NDUFS4: variants seen among roughly 807,000 people sequenced by gnomAD.
NDUFS4 encodes NADH dehydrogenase [ubiquinone] iron-sulfur protein 4, mitochondrial.
A neutral mutation model predicts 24.3 loss-of-function variants in NDUFS4; 28 were observed. The observed-to-expected ratio is 1.15, with a 90% confidence interval of 0.85 to 1.58. The LOEUF (loss-of-function observed/expected upper bound fraction) is 1.58. Ranked by LOEUF, NDUFS4 falls within the 40% of genes most tolerant of loss-of-function variation. The probability of loss-of-function intolerance (pLI) is 0.00; values close to 1 mark genes in which losing one functional copy is unlikely to be tolerated. For missense variants in NDUFS4, 223 were observed against 207.9 expected (o/e 1.07, Z -0.45); for synonymous variants, 93 against 69.7 (o/e 1.34, Z -1.67).
intron 3 of NDUFS4, among the ~76,000 whole-genome samples, chr5:53,656,928 GA>G (rs763547522): frequency 6.6e-5 from 10 of 152,126 alleles, no homozygotes; most frequent in Non-Finnish European, 1.5e-4. Flanking sequence ...GAAGGAGAAT[GA>G]GAAGGGTAGA....
At chr5:53,616,609 G>C (rs1750847598) in intron 2 of NDUFS4, among the ~76,000 whole-genome samples, 1 of 152,092 alleles carries the variant, frequency 6.6e-6, no homozygotes, top group Middle Eastern at 3.2e-3. Context: ...GGAAAGATAT[G>C]ACATAATAAG....
At chr5:53,588,933 A>G (rs568057849) in intron 1 of NDUFS4, among the ~76,000 whole-genome samples, 3 of 152,092 alleles carry the variant, frequency 2.0e-5, no homozygotes, top group Non-Finnish European at 4.4e-5. Flanking sequence ...ACCGAAGCAA[A>G]AAGTGACAAG....
chr5:53,611,391 C>T lies in NDUFS4; in HGVS notation c.177+7861C>T, dbSNP rs1228560512. Among the ~76,000 whole-genome samples, 6 of 151,922 alleles carry T rather than the reference C, an allele frequency of 3.9e-5. No individual in the cohort carries two copies. The South Asian group carries it at 1.2e-3, about 32-fold the overall frequency. ...AAATCTTCAGATAATAAAATTGTGGCAAATCCTGGATTATTGTTAATAAAG... is the reference window on the plus strand; with the variant it reads ...AAATCTTCAGATAATAAAATTGTGGTAAATCCTGGATTATTGTTAATAAAG... On this transcript the variant is annotated intron_variant, in intron 2 of 4. Coordinates refer to ENST00000296684, the MANE Select transcript of NDUFS4 (RefSeq NM_002495.4).
At chr5:53,592,015 T>C in intron 1 of NDUFS4, among the ~76,000 whole-genome samples, 1 of 152,094 alleles carries the variant, frequency 6.6e-6, no homozygotes, top group African/African-American at 2.4e-5. Context: ...CTTGGCTCAC[T>C]GTAACCTCTG....
intron 1 of NDUFS4, among the ~76,000 whole-genome samples, chr5:53,567,003 C>G (rs567497128): frequency 6.6e-6 from 1 of 152,084 alleles, no homozygotes; most frequent in South Asian, 2.1e-4. Context: ...CGCGCACCAC[C>G]ACGCCTGGAT....
rs983021467 is a variant in NDUFS4, at chr5:53,657,711, G to T, written c.351-840G>T. Among the ~76,000 whole-genome samples the T allele has an allele frequency of 2.6e-5, 4 of 151,992 alleles. No homozygotes were observed. In the South Asian group the frequency reaches 8.3e-4, roughly 32 times the overall value. On this transcript the variant is annotated intron_variant, in intron 3 of 4. Transcript: ENST00000296684. ...AGGCTGAGGCAGGTAGATCACTTGA[G>T]GTCAGGAGTTCGAGACCAGCCTGGC...
chr5:53,599,908 CAACA>C (rs1750257431), intron 1 of NDUFS4, among the ~76,000 whole-genome samples: 1 of 151,994 alleles, frequency 6.6e-6, no homozygotes, highest in Non-Finnish European at 1.5e-5. Flanking sequence ...ACAGGCTAAT[CAACA>C]AACAGATATT....
At chr5:53,664,276 T>A (rs1288832251) in intron 4 of NDUFS4, among the ~76,000 whole-genome samples, 1 of 152,202 alleles carries the variant, frequency 6.6e-6, no homozygotes, top group Non-Finnish European at 1.5e-5. Context: ...TTTTCCTTCA[T>A]TTCAACTTTG....
chr5:53,662,043 A>G (rs934842899), intron 4 of NDUFS4, among the ~76,000 whole-genome samples: 1 of 152,056 alleles, frequency 6.6e-6, no homozygotes, highest in African/African-American at 2.4e-5. Flanking sequence ...GTTGAATAGG[A>G]GTGGTGAGAG....
At chr5:53,612,934 T>C (rs989053111) in intron 2 of NDUFS4, among the ~76,000 whole-genome samples, 3 of 152,128 alleles carry the variant, frequency 2.0e-5, no homozygotes, top group Non-Finnish European at 2.9e-5. Flanking sequence ...TACAAGTATT[T>C]GTTGGTTTTA....
intron 2 of NDUFS4, among the ~76,000 whole-genome samples, chr5:53,613,862 G>A (rs1208166870): frequency 6.6e-6 from 1 of 151,846 alleles, no homozygotes; most frequent in Non-Finnish European, 1.5e-5. Flanking sequence ...CTCAAGTAAT[G>A]GAAAATGTTA....
At chr5:53,615,579 A>C (rs540852719) in intron 2 of NDUFS4, among the ~76,000 whole-genome samples, 5 of 152,178 alleles carry the variant, frequency 3.3e-5, no homozygotes, top group African/African-American at 1.2e-4. Flanking sequence ...GGGCAGTGAT[A>C]TGGAAGCTTT....
chr5:53,676,025 ACATTGACTCTAG>A (rs1439624635), intron 4 of NDUFS4, among the ~76,000 whole-genome samples: 2 of 152,374 alleles, frequency 1.3e-5, no homozygotes, highest in East Asian at 3.9e-4. Context: ...AGAAAAAGAT[ACATTGACTCTAG>A]CATAGATATA....
intron 3 of NDUFS4, 43 bp from the exon 4 acceptor site, chr5:53,658,507 TA>T: frequency 7.4e-7 from 1 of 1,352,824 alleles, no homozygotes; most frequent in Non-Finnish European, 1.1e-6. Flanking sequence ...GTTTCTCAGC[TA>T]AAGCTTAATG....
chr5:53,683,228 A>T lies in NDUFS4; in HGVS notation c.*7A>T. Reference sequence around the variant, plus strand: ...AAGAGTATCCACAAAATAGGTTGGCACTGACTATATCTCTGCTTGACTGTG... The same window carrying T: ...AAGAGTATCCACAAAATAGGTTGGCTCTGACTATATCTCTGCTTGACTGTG... On this transcript the variant is annotated 3_prime_UTR_variant, in exon 5 of 5. Transcript: ENST00000296684. 6.4e-7 allele frequency: 1 copy of T among 1,564,280 alleles called. No homozygotes were observed. Among genetic ancestry groups the T allele is most frequent in the Admixed American group, 1.7e-5 (1 of 59,758 alleles).
intron 4 of NDUFS4, among the ~76,000 whole-genome samples, chr5:53,673,370 A>T (rs148068717): frequency 9.3e-4 from 142 of 152,250 alleles, no homozygotes; most frequent in African/African-American, 3.2e-3. Context: ...AGATAATTCT[A>T]GGTGCAATGA....
intron 1 of NDUFS4, among the ~76,000 whole-genome samples, chr5:53,563,714 C>T (rs1446585957): frequency 1.3e-5 from 2 of 152,134 alleles, no homozygotes; most frequent in Non-Finnish European, 2.9e-5. Flanking sequence ...GTTAGCCAGG[C>T]TGGTCTCAAA....
chr5:53,593,570 ATCT>A (rs1261995960), intron 1 of NDUFS4, among the ~76,000 whole-genome samples: 1 of 146,064 alleles, frequency 6.8e-6, no homozygotes. Context: ...AATTTTTTTT[ATCT>A]TCTTCTTGCC....
intron 2 of NDUFS4, among the ~76,000 whole-genome samples, chr5:53,621,379 T>G (rs531416562): frequency 6.7e-6 from 1 of 148,874 alleles, no homozygotes; most frequent in South Asian, 2.1e-4. Context: ...ACAATTTCTG[T>G]CTTTTAATTT....
Sources: gnomAD v4.1 joint callset for allele counts (sites outside exome capture counted in the v4.1 genomes callset) on GRCh38, gnomAD v4.1.1 for gene constraint, MANE v1.5 for transcripts, NCBI Gene and HGNC (gene_info 2026-07-23, HGNC 2026-07-21) for gene names.